CLDN14: variants seen among roughly 807,000 people sequenced by gnomAD.
CLDN14 encodes the protein claudin-14.
Under a neutral mutation model 2.1 loss-of-function variants are expected in CLDN14, and 2 were observed. That is an observed-to-expected ratio of 0.96 (90% CI 0.39 to 3.01). The LOEUF (loss-of-function observed/expected upper bound fraction) is 3.01, where lower values mean the gene tolerates loss of function less well. Among genes scored for constraint, CLDN14 ranks in the 30% most tolerant of loss-of-function variants. The pLI is 0.09. For synonymous variants in CLDN14, 136 were observed against 154.4 expected, an observed-to-expected ratio of 0.88 and a Z score of 0.88; for missense variants, 298 against 328.0, an observed-to-expected ratio of 0.91 and a Z score of 0.71.
At chr21:36,537,380 C>T (rs562859640) in intron 1 of CLDN14, among the ~76,000 whole-genome samples, 73 of 152,214 alleles carry the variant, frequency 4.8e-4, no homozygotes, top group Admixed American at 2.6e-3. Flanking sequence ...AATGAACATA[C>T]TGATCTTTGA....
intron 1 of CLDN14, among the ~76,000 whole-genome samples, chr21:36,473,453 A>C (rs1015191476): frequency 1.5e-4 from 23 of 152,118 alleles, no homozygotes; most frequent in African/African-American, 5.3e-4. Context: ...GAATAAATAG[A>C]TCTCTTTCTA....
intron 1 of CLDN14, among the ~76,000 whole-genome samples, chr21:36,537,776 A>G (rs1482356360): frequency 6.6e-6 from 1 of 151,490 alleles, no homozygotes; most frequent in Non-Finnish European, 1.5e-5. Flanking sequence ...CAGCCTCCCA[A>G]GTAGCTGGCG....
chr21:36,462,271 C>T (rs913601030), intron 1 of CLDN14, among the ~76,000 whole-genome samples: 3 of 152,150 alleles, frequency 2.0e-5, no homozygotes, highest in Non-Finnish European at 2.9e-5. Flanking sequence ...TTAGTCCCCT[C>T]GGCAAGTCAG....
chr21:36,487,349 G>A (rs989686467), intron 2 of CLDN14: 1 of 213,126 alleles, frequency 4.7e-6, no homozygotes, highest in Non-Finnish European at 1.0e-5. Flanking sequence ...GGGTGGGGAA[G>A]AAGTCCTCAT....
intron 2 of CLDN14, among the ~76,000 whole-genome samples, chr21:36,506,520 C>G (rs553636568): frequency 1.3e-5 from 2 of 149,604 alleles, no homozygotes; most frequent in East Asian, 2.0e-4. Flanking sequence ...TCGTTTGAAC[C>G]GGGGGGGCGG....
chr21:36,474,198 C>T (rs1237895333), intron 1 of CLDN14, among the ~76,000 whole-genome samples: 1 of 152,212 alleles, frequency 6.6e-6, no homozygotes, highest in Non-Finnish European at 1.5e-5. Context: ...GTGACATCTT[C>T]TATTTCATCT....
chr21:36,572,408 G>A (rs73377100), intron 1 of CLDN14, among the ~76,000 whole-genome samples: 1,896 of 121,114 alleles, frequency 0.016, 41 homozygotes, highest in African/African-American at 0.048. Context: ...GTCCAGGTGT[G>A]GGGCTGTTTC....
chr21:36,511,262 T>C (rs981394092), intron 1 of CLDN14, among the ~76,000 whole-genome samples: 2 of 152,200 alleles, frequency 1.3e-5, no homozygotes, highest in Non-Finnish European at 2.9e-5. Context: ...CACACCCTTT[T>C]CACGGTGCGT....
In CLDN14 at chr21:36,518,075, T is replaced by TACACACACACACACAC. The variant is rs3030072; in HGVS notation, c.-219-7591_-219-7576dup. 3.4e-3 allele frequency among the ~76,000 whole-genome samples: 510 copies of TACACACACACACACAC among 148,516 alleles called. 3 individuals carry two copies. Among genetic ancestry groups the TACACACACACACACAC allele is most frequent in the African/African-American group, 0.012 (482 of 39,844 alleles). ...ATAAATCTCTCTCCACTTACATACG[T>TACACACACACACACAC]ACACACACACACACACACACACACA... On this transcript the variant is annotated intron_variant, in intron 1 of 2. Coordinates refer to the CLDN14 transcript ENST00000342108.
chr21:36,490,989 C>CA (rs1568856358), intron 2 of CLDN14, among the ~76,000 whole-genome samples: 1 of 147,470 alleles, frequency 6.8e-6, no homozygotes, highest in African/African-American at 2.5e-5. Context: ...CACACACACA[C>CA]CCCTGGACAC....
chr21:36,499,980 T>C lies in CLDN14; in HGVS notation c.-82+10383A>G, dbSNP rs1196044548. ...CACACAGAGTCTACCTGTCTTCCAA[T>C]GCGAGTCCCGCGAGGTGAAGAATTA... On this transcript the variant is annotated intron_variant, in intron 2 of 2. Transcript: ENST00000342108. The surrounding 1 kb of genome is among the most constrained non-coding windows in gnomAD (Gnocchi z 4.7). Among the ~76,000 whole-genome samples, 1 of 151,900 alleles carries C rather than the reference T, an allele frequency of 6.6e-6. No individual in the cohort carries two copies. The highest frequency in any genetic ancestry group is 1.9e-4 in the East Asian group (1 of 5,182).
At chr21:36,501,201 C>T (rs1298989204) in intron 2 of CLDN14, among the ~76,000 whole-genome samples, 2 of 152,104 alleles carry the variant, frequency 1.3e-5, no homozygotes, top group Non-Finnish European at 2.9e-5. Context: ...CACATCAAGC[C>T]CCATTTGCAT....
At chr21:36,564,668 G>C (rs1317049446) in intron 1 of CLDN14, among the ~76,000 whole-genome samples, 2 of 152,226 alleles carry the variant, frequency 1.3e-5, no homozygotes, top group Non-Finnish European at 2.9e-5. Flanking sequence ...CTCATCTCCA[G>C]AACCCATGAG....
Position 36,461,586 on chromosome 21 carries a change from C to T in CLDN14, c.110G>A (p.Gly37Asp). 2 of 1,611,360 alleles carry T rather than the reference C, an allele frequency of 1.2e-6. No homozygotes were observed. Residue 37 changes from glycine to aspartate, a missense_variant, in exon 2 of 2, where the codon GGC becomes GAC. Physicochemically the swap from Gly to Asp is moderately conservative, Grantham distance 94. Transcript: ENST00000399135. ...GGACACGGCCGTGAGGATGTTGGTG[C>T]CCACGTGCGCTGTCCTCCGCCAGTG... ...LPHWRRTAHV[G>D]TNILTAVSYL...
chr21:36,514,297 G>A (rs949761354), intron 1 of CLDN14, among the ~76,000 whole-genome samples: 1 of 152,212 alleles, frequency 6.6e-6, no homozygotes, highest in Non-Finnish European at 1.5e-5. Flanking sequence ...GCAGCCTCAT[G>A]GGAGCTGGAG....
At chr21:36,486,420 T>C (rs755113092) in intron 2 of CLDN14, 10 of 1,302,428 alleles carry the variant, frequency 7.7e-6, no homozygotes, top group Non-Finnish European at 1.1e-5. Context: ...CTGCCGCTGC[T>C]GCTGCTCCTC....
intron 1 of CLDN14, among the ~76,000 whole-genome samples, chr21:36,539,437 A>ATGAGTGTGTGTGCAGAG (rs1340715345): frequency 9.3e-6 from 1 of 107,622 alleles, no homozygotes; most frequent in Non-Finnish European, 1.9e-5. Context: ...TGTGTGTGGA[A>ATGAGTGTGTGTGCAGAG]TGAGTGTGTG....
At chr21:36,526,748 C>G (rs989961264) in intron 1 of CLDN14, among the ~76,000 whole-genome samples, 1 of 152,216 alleles carries the variant, frequency 6.6e-6, no homozygotes, top group Non-Finnish European at 1.5e-5. Flanking sequence ...TGAGACAAAT[C>G]TCACCCCTAT....
intron 1 of CLDN14, among the ~76,000 whole-genome samples, chr21:36,512,958 T>C (rs2087197354): frequency 6.6e-6 from 1 of 152,216 alleles, no homozygotes; most frequent in South Asian, 2.1e-4. Context: ...AAGTACATGA[T>C]TGATGCCAAG....
Sources: allele counts gnomAD v4.1 joint callset (sites outside exome capture counted in the v4.1 genomes callset), GRCh38; gene constraint gnomAD v4.1.1; non-coding constraint Gnocchi (gnomAD v3.1); transcripts MANE v1.5; gene names NCBI Gene and HGNC (gene_info 2026-07-23, HGNC 2026-07-21).